UNC80: variants seen among roughly 807,000 people sequenced by gnomAD.
UNC80 encodes unc-80 subunit of NALCN channel complex, also known as protein unc-80 homolog.
A neutral mutation model predicts 384.6 loss-of-function variants in UNC80; 164 were observed. The observed-to-expected ratio is 0.43, with a 90% CI of 0.38 to 0.49. The LOEUF (loss-of-function observed/expected upper bound fraction) is 0.49. UNC80 is among the 20% of genes least tolerant of loss of function. The probability of loss-of-function intolerance (pLI) is 0.00; values close to 1 mark genes in which losing one functional copy is unlikely to be tolerated. For synonymous variants in UNC80, 1,486 were observed against 1,527.8 expected (o/e 0.97, Z 0.64); for missense variants, 3,330 against 4,143.0 (o/e 0.80, Z 5.39).
intron 22 of UNC80, among the ~76,000 whole-genome samples, chr2:209,854,219 A>G (rs1000698361): frequency 6.6e-6 from 1 of 152,186 alleles, no homozygotes. Context: ...CGTTTGAATC[A>G]TAAGAAAATT....
chr2:209,920,214 A>G (rs1232223195), intron 33 of UNC80, among the ~76,000 whole-genome samples: 1 of 152,180 alleles, frequency 6.6e-6, no homozygotes, highest in Non-Finnish European at 1.5e-5. Flanking sequence ...ACCTTTCAAC[A>G]TAGGAAACCT....
chr2:209,835,057 A>G, intron 18 of UNC80, 47 bp downstream of exon 18: 1 of 1,396,126 alleles, frequency 7.2e-7, no homozygotes, highest in Non-Finnish European at 9.9e-7. Flanking sequence ...TATGCACTTC[A>G]CTCTGGAAGA....
At chr2:209,787,095 A>G (rs988848990) in intron 5 of UNC80, among the ~76,000 whole-genome samples, 1 of 151,518 alleles carries the variant, frequency 6.6e-6, no homozygotes. Flanking sequence ...CAGACAATGG[A>G]CAATCTTTTT....
chr2:209,834,099 C>T lies in UNC80; in HGVS notation c.2873C>T (p.Ala958Val), dbSNP rs1288205911. ...GCCCTCAGCGCTCTGCTTGACAGTGCCGAGAAGTTAGCACCAGGGAAAAAG... is the reference window on the plus strand; with the variant it reads ...GCCCTCAGCGCTCTGCTTGACAGTGTCGAGAAGTTAGCACCAGGGAAAAAG... ...RVALSALLDS[A>V]EKLAPGKKVE... Residue 958 changes from alanine to valine, a missense_variant, in exon 17 of 65, where the codon GCC becomes GTC. Transcript: ENST00000673920. 6.4e-7 allele frequency: 1 copy of T among 1,551,562 alleles called. No individual in the cohort carries two copies. Among genetic ancestry groups the T allele is most frequent in the Non-Finnish European group, 8.7e-7 (1 of 1,146,950 alleles).
In UNC80 at chr2:209,955,738, TACACAC is replaced by T. The variant is rs1156428874; in HGVS notation, c.7457+1484_7457+1489del. On this transcript the variant is annotated intron_variant, in intron 48 of 64. Coordinates refer to ENST00000673920, the MANE Select transcript of UNC80 (RefSeq NM_001371986.1). ...ATATATATATATATATATATATATA[TACACAC>T]ACACACACACACACAGAGAGAGACT... is the stretch of plus-strand genomic sequence containing the variant. Among the ~76,000 whole-genome samples the T allele has an allele frequency of 6.1e-3, 327 of 53,326 alleles. 6 individuals carry two copies. Among genetic ancestry groups the T allele is most frequent in the African/African-American group, 0.012 (117 of 9,796 alleles). The allele number at this position is 53,326 out of a possible 152,430, so 35.0% of individuals were successfully genotyped here.
At chr2:209,900,616 G>C (rs2087289966) in intron 28 of UNC80, among the ~76,000 whole-genome samples, 2 of 152,204 alleles carry the variant, frequency 1.3e-5, no homozygotes, top group Admixed American at 1.3e-4. Context: ...TCAAGTGAAG[G>C]AAGAGTTGTG....
In UNC80 at chr2:209,954,264, T is replaced by A. The variant is rs1234074156; in HGVS notation, c.7451T>A (p.Leu2484His). Reference sequence around the variant, plus strand: ...GCCCTTTTGTACAGTGTAGAGGTCCTCACCAGGTAATCCCATTGGCAGAAA... The same window carrying A: ...GCCCTTTTGTACAGTGTAGAGGTCCACACCAGGTAATCCCATTGGCAGAAA... ...LQALLYSVEV[L>H]TRPMTAPQMS... The change falls in exon 48 of 65, where the codon CTC becomes CAC. Residue 2484 changes from leucine (L) to histidine (H), a missense_variant. Leu to His is a moderately conservative substitution (Grantham distance 99). Around this residue, in one of 8 missense-constraint regions of UNC80, gnomAD observed 1,049 missense variants for 1,488.6 expected, o/e 0.70. Transcript: ENST00000673920. 6.6e-7 allele frequency: 1 copy of A among 1,504,742 alleles called. No individual in the cohort carries two copies. The highest frequency in any genetic ancestry group is 8.9e-7 in the Non-Finnish European group (1 of 1,125,610). The allele number at this position is 1,504,742 out of a possible 1,614,324, so 93.2% of individuals were successfully genotyped here. A position where few individuals can be genotyped will look rare whatever the true frequency, so the allele number is the denominator to read the frequency against.
chr2:209,777,327 C>A lies in UNC80; in HGVS notation c.368C>A (p.Ala123Asp). ...ACTCTACACTGGATGCTTCTGGAGGCCCCCCAGGACTGCAACAATGAGCGG... is the reference window on the plus strand; with the variant it reads ...ACTCTACACTGGATGCTTCTGGAGGACCCCCAGGACTGCAACAATGAGCGG... ...LHTLHWMLLE[A>D]PQDCNNERFG... The change falls in exon 4 of 65, where the codon GCC becomes GAC. Residue 123 changes from alanine (A) to aspartate (D), a missense_variant. Around this residue, in one of 8 missense-constraint regions of UNC80, gnomAD observed 937 missense variants for 1,026.8 expected, o/e 0.91. Transcript: ENST00000673920. 1 of 1,613,980 alleles carries A rather than the reference C, an allele frequency of 6.2e-7. No individual in the cohort carries two copies. Among genetic ancestry groups the A allele is most frequent in the Non-Finnish European group, 8.5e-7 (1 of 1,179,976 alleles).
intron 51 of UNC80, among the ~76,000 whole-genome samples, chr2:209,964,153 T>C (rs1399641421): frequency 2.6e-5 from 4 of 152,220 alleles, no homozygotes; most frequent in Non-Finnish European, 1.5e-5. Context: ...GTAATCACAA[T>C]TTCTCTTTAT....
At chr2:209,831,265 A>C (rs1171175791) in intron 15 of UNC80, among the ~76,000 whole-genome samples, 178 bp from the exon 16 acceptor site, 1 of 152,168 alleles carries the variant, frequency 6.6e-6, no homozygotes, top group Non-Finnish European at 1.5e-5. Flanking sequence ...GAAGGAGACT[A>C]TGACTCATTC....
At chr2:209,917,702 T>G in intron 31 of UNC80, 75 bp from the exon 32 acceptor site, 1 of 1,497,712 alleles carries the variant, frequency 6.7e-7, no homozygotes, top group African/African-American at 1.4e-5. Flanking sequence ...ATAGAAGCAG[T>G]TTCCACTTCT....
rs952928386 is a variant in UNC80 at position 209,839,063 on chromosome 2, C to G, written c.3042-159C>G. ...GAGCTCAGAAGATGAACCTTGATCTCTTTCCTCCCACTTCAATGCCCACTC... is the reference window on the plus strand; with the variant it reads ...GAGCTCAGAAGATGAACCTTGATCTGTTTCCTCCCACTTCAATGCCCACTC... On this transcript the variant is annotated intron_variant, in intron 18 of 64. Transcript: ENST00000673920. This position sits in a 1 kb window ranked among gnomAD's most constrained non-coding sequence, Gnocchi z 4.1. Among the ~76,000 whole-genome samples the G allele has an allele frequency of 6.6e-5, 10 of 152,306 alleles. No individual in the cohort carries two copies. The highest frequency in any genetic ancestry group is 2.4e-4 in the African/African-American group (10 of 41,568).
At position 209,996,831 on chromosome 2, in the gene UNC80, C is replaced by A. The variant is rs1169206742; in HGVS notation, c.*1236C>A. The A allele has an allele frequency of 6.6e-6, 1 of 152,068 alleles. No homozygotes were observed. Among genetic ancestry groups the A allele is most frequent in the African/African-American group, 2.4e-5 (1 of 41,412 alleles). The allele number at this position is 152,068 out of a possible 1,614,324, so 9.4% of individuals were successfully genotyped here. Reference sequence around the variant, plus strand: ...ACAGTTTACATTAGAAAACTGTTACCTAACAACCAAGCATATACAAACTCA... The same window carrying A: ...ACAGTTTACATTAGAAAACTGTTACATAACAACCAAGCATATACAAACTCA... On this transcript the variant is annotated 3_prime_UTR_variant, in exon 65 of 65. Coordinates refer to ENST00000673920, the MANE Select transcript of UNC80 (RefSeq NM_001371986.1).
At chr2:209,865,567 A>G (rs1246060027) in intron 22 of UNC80, among the ~76,000 whole-genome samples, 1 of 146,942 alleles carries the variant, frequency 6.8e-6, no homozygotes, top group African/African-American at 2.5e-5. Flanking sequence ...CCGCCACTGC[A>G]CTCCAGCTCC....
chr2:209,895,652 T>C (rs1394771328), intron 27 of UNC80, among the ~76,000 whole-genome samples: 1 of 152,230 alleles, frequency 6.6e-6, no homozygotes, highest in Admixed American at 6.5e-5. Flanking sequence ...AACATTGTTT[T>C]GTCATTAAAA....
chr2:209,809,569 G>C, intron 7 of UNC80: 1 of 850,306 alleles, frequency 1.2e-6, no homozygotes, highest in Non-Finnish European at 2.0e-6. Flanking sequence ...CTGCTCAGGG[G>C]GCCCTCGCTG....
chr2:209,848,804 T>C (rs1406525746), intron 21 of UNC80, among the ~76,000 whole-genome samples: 1 of 152,104 alleles, frequency 6.6e-6, no homozygotes, highest in Non-Finnish European at 1.5e-5. Flanking sequence ...ATTTTTCCAT[T>C]AGTGGATATA....
chr2:209,920,787 T>G (rs557976409), intron 33 of UNC80, among the ~76,000 whole-genome samples: 67 of 152,290 alleles, frequency 4.4e-4, no homozygotes, highest in African/African-American at 1.5e-3. Context: ...CTTTCCATGA[T>G]TCTGACTTTC....
chr2:209,946,514 T>TGAATTTTGTGCAGATGCTA (rs2091925468), intron 47 of UNC80, among the ~76,000 whole-genome samples: 1 of 152,218 alleles, frequency 6.6e-6, no homozygotes, highest in Non-Finnish European at 1.5e-5. Flanking sequence ...CTAAGGTATT[T>TGAATTTTGTGCAGATGCTA]AGTCTTGTTA....
Sources: gnomAD v4.1 joint callset for allele counts (sites outside exome capture counted in the v4.1 genomes callset) on GRCh38, gnomAD v4.1.1 for gene constraint, gnomAD v4.1.1 regional missense constraint, Gnocchi (gnomAD v3.1) non-coding constraint, MANE v1.5 for transcripts, NCBI Gene and HGNC (gene_info 2026-07-23, HGNC 2026-07-21) for gene names.